Variants in ZCCHC10 observed in about 807,000 individuals in gnomAD.
ZCCHC10 encodes the protein zinc finger CCHC-type containing 10.
Under a neutral mutation model 19.5 loss-of-function variants are expected in ZCCHC10, and 16 were observed. The observed-to-expected ratio is 0.82, with a 90% CI of 0.56 to 1.25. The LOEUF is 1.25. Among genes scored for constraint, ZCCHC10 ranks in the 50% most tolerant of loss-of-function variants. ZCCHC10 has a pLI of 0.00. For missense variants in ZCCHC10, 197 were observed against 201.0 expected, an observed-to-expected ratio of 0.98 and a Z score of 0.12; for synonymous variants, 67 against 72.5, an observed-to-expected ratio of 0.92 and a Z score of 0.38.
At chr5:133,022,182 T>G (rs1343460576) in intron 2 of ZCCHC10, among the ~76,000 whole-genome samples, 1 of 152,182 alleles carries the variant, frequency 6.6e-6, no homozygotes, top group African/African-American at 2.4e-5. Flanking sequence ...TGTACAAAAA[T>G]TTTTTCTTTC....
chr5:133,018,574 T>C (rs1764081457), intron 2 of ZCCHC10, among the ~76,000 whole-genome samples: 1 of 152,064 alleles, frequency 6.6e-6, no homozygotes, highest in African/African-American at 2.4e-5. Context: ...AATTTTTGTA[T>C]TTTTAGTAGA....
At position 133,026,492 on chromosome 5, in the gene ZCCHC10, C is replaced by T. The variant is rs769261974; in HGVS notation, c.41+5G>A. The T allele has an allele frequency of 9.9e-6, 16 of 1,613,588 alleles. No homozygotes were observed. Among genetic ancestry groups the T allele is most frequent in the Non-Finnish European group, 1.4e-5 (16 of 1,179,930 alleles). ...CCAGTGGACCCGAACCGGATCCTTA[C>T]TTACGCTTGTCTCCGGGCTATTAGC... On this transcript the variant is annotated splice_donor_5th_base_variant and intron_variant, in intron 1 of 4. Coordinates refer to ENST00000509437, the MANE Select transcript of ZCCHC10 (RefSeq NM_001300816.3).
chr5:133,005,062 G>A (rs576163899), intron 3 of ZCCHC10, among the ~76,000 whole-genome samples: 1 of 152,112 alleles, frequency 6.6e-6, no homozygotes, highest in Non-Finnish European at 1.5e-5. Flanking sequence ...CACTTTGGGA[G>A]GCCGAGGCGG....
chr5:132,997,041 T>C lies in ZCCHC10; in HGVS notation c.*1542A>G, dbSNP rs971153048. The C allele has an allele frequency of 3.3e-5, 5 of 152,228 alleles. No individual in the cohort carries two copies. The highest frequency in any genetic ancestry group is 5.9e-5 in the Non-Finnish European group (4 of 68,044). The allele number at this position is 152,228 out of a possible 1,614,324, so 9.4% of individuals were successfully genotyped here. ...ATTTAACTGCAAGTGATGCAACCTA[T>C]GTAACACATTCTTTTCTCATCCGTG... On this transcript the variant is annotated 3_prime_UTR_variant, in exon 5 of 5. Transcript: ENST00000509437.
chr5:133,017,416 C>A (rs764439134), intron 2 of ZCCHC10, among the ~76,000 whole-genome samples: 2 of 151,940 alleles, frequency 1.3e-5, no homozygotes, highest in Non-Finnish European at 2.9e-5. Flanking sequence ...GCTGCCCAGA[C>A]TGGAGTGTGA....
chr5:133,006,473 T>C (rs1392991888), intron 3 of ZCCHC10, among the ~76,000 whole-genome samples: 1 of 152,174 alleles, frequency 6.6e-6, no homozygotes, highest in East Asian at 1.9e-4. Context: ...TTCTTCTTAC[T>C]AGCTGTATGA....
chr5:132,997,122 T>C lies in ZCCHC10; in HGVS notation c.*1461A>G, dbSNP rs566776714. ...GACAAACATTATAAAATGTGCCTGA[T>C]TGGTAATTTATTAACTCTATCTGTC... On this transcript the variant is annotated 3_prime_UTR_variant, in exon 5 of 5. Transcript: ENST00000509437. 4.6e-5 allele frequency: 7 copies of C among 152,338 alleles called. No individual in the cohort carries two copies. The East Asian group carries it at 9.6e-4, about 21-fold the overall frequency. The allele number at this position is 152,338 out of a possible 1,614,324, so 9.4% of individuals were successfully genotyped here. A position where few individuals can be genotyped will look rare whatever the true frequency, so the allele number is the denominator to read the frequency against.
At chr5:133,013,506 G>A (rs1284972789) in intron 2 of ZCCHC10, among the ~76,000 whole-genome samples, 1 of 151,860 alleles carries the variant, frequency 6.6e-6, no homozygotes, top group East Asian at 1.9e-4. Flanking sequence ...GGCAGATCAC[G>A]AGGTCAGGAG....
intron 2 of ZCCHC10, among the ~76,000 whole-genome samples, chr5:133,013,190 A>C (rs1763682825): frequency 6.7e-6 from 1 of 148,160 alleles, no homozygotes; most frequent in Non-Finnish European, 1.5e-5. Context: ...CCCGAGAGGC[A>C]CAGATTGCAG....
At chr5:133,026,456 C>T (rs753832826) in intron 1 of ZCCHC10, 41 bp downstream of exon 1, 3 of 1,610,172 alleles carry the variant, frequency 1.9e-6, no homozygotes, top group Non-Finnish European at 2.5e-6. Flanking sequence ...CGTTTCCCCG[C>T]TCCCAGCCCT....
chr5:133,016,066 C>T (rs1018026964), intron 2 of ZCCHC10, among the ~76,000 whole-genome samples: 2 of 152,110 alleles, frequency 1.3e-5, no homozygotes, highest in East Asian at 3.9e-4. Flanking sequence ...TTTGACATGG[C>T]TCCTTTATTA....
intron 2 of ZCCHC10, among the ~76,000 whole-genome samples, chr5:133,008,082 G>A (rs566452664): frequency 2.8e-4 from 43 of 151,460 alleles, no homozygotes; most frequent in South Asian, 4.2e-4. Context: ...AAAATTAGCC[G>A]GGCGTGGTGG....
intron 4 of ZCCHC10, among the ~76,000 whole-genome samples, chr5:132,999,602 G>A (rs1428873230): frequency 6.6e-6 from 1 of 152,082 alleles, no homozygotes; most frequent in Admixed American, 6.6e-5. Context: ...ATTATTTATT[G>A]TTTCCACGTA....
intron 2 of ZCCHC10, among the ~76,000 whole-genome samples, chr5:133,022,086 G>C (rs906477807): frequency 2.0e-5 from 3 of 151,616 alleles, no homozygotes; most frequent in African/African-American, 4.8e-5. Flanking sequence ...ATGAGCCACC[G>C]CACCCGGCCT....
intron 3 of ZCCHC10, among the ~76,000 whole-genome samples, chr5:133,004,865 T>C (rs181649219): frequency 3.3e-5 from 5 of 152,334 alleles, no homozygotes; most frequent in East Asian, 1.9e-4. Flanking sequence ...AAGACTTTTG[T>C]TATTTCCATG....
intron 2 of ZCCHC10, among the ~76,000 whole-genome samples, chr5:133,013,892 CTA>C (rs1454405819): frequency 6.6e-6 from 1 of 151,924 alleles, no homozygotes; most frequent in Non-Finnish European, 1.5e-5. Flanking sequence ...CAATAGAAAT[CTA>C]TGCACAAGTA....
intron 3 of ZCCHC10, among the ~76,000 whole-genome samples, chr5:133,002,873 C>G (rs909376699): frequency 6.6e-6 from 1 of 152,004 alleles, no homozygotes; most frequent in Non-Finnish European, 1.5e-5. Flanking sequence ...GTGCCCGCCA[C>G]CATGCCTGGC....
At chr5:133,013,462 ACCTGTAAT>A (rs1352486667) in intron 2 of ZCCHC10, among the ~76,000 whole-genome samples, 1 of 152,086 alleles carries the variant, frequency 6.6e-6, no homozygotes, top group African/African-American at 2.4e-5. Flanking sequence ...GGTGGCTCAC[ACCTGTAAT>A]CCTGGCACTT....
chr5:133,017,799 T>G (rs1409526456), intron 2 of ZCCHC10, among the ~76,000 whole-genome samples: 5 of 152,120 alleles, frequency 3.3e-5, no homozygotes, highest in African/African-American at 9.7e-5. Context: ...ACATAAGATA[T>G]AAGATAGACT....
Sources: allele counts gnomAD v4.1 joint callset (sites outside exome capture counted in the v4.1 genomes callset), GRCh38; gene constraint gnomAD v4.1.1; transcripts MANE v1.5; gene names NCBI Gene and HGNC (gene_info 2026-07-23, HGNC 2026-07-21).